Variants in FRMPD4 observed in about 807,000 individuals in gnomAD.
FRMPD4 encodes FERM and PDZ domain-containing protein 4.
In FRMPD4, 22 loss-of-function variants were observed where a neutral mutation model predicts 94.1. That is an observed-to-expected ratio of 0.23 (90% CI 0.17 to 0.33). FRMPD4 has a LOEUF of 0.33. Among genes scored for constraint, FRMPD4 ranks in the 10% least tolerant of loss-of-function variants. The pLI is 1.00. For synonymous variants in FRMPD4, 631 were observed against 548.6 expected, an observed-to-expected ratio of 1.15 and a Z score of -2.10; for missense variants, 1,111 against 1,339.9, an observed-to-expected ratio of 0.83 and a Z score of 2.67.
chrX:11,855,085 C>T (rs2053646644), intron 1 of FRMPD4, among the ~76,000 whole-genome samples: 1 of 112,573 alleles, frequency 8.9e-6, no homozygotes, highest in African/African-American at 3.2e-5. Flanking sequence ...TCTGTGCACC[C>T]ACAGGCCCAA....
intron 1 of FRMPD4, among the ~76,000 whole-genome samples, chrX:12,323,847 T>A (rs1386396329): frequency 9.0e-6 from 1 of 111,383 alleles, no homozygotes; most frequent in Non-Finnish European, 1.9e-5. Context: ...GTATAATCCC[T>A]CTTAGAGCAG....
intron 3 of FRMPD4, among the ~76,000 whole-genome samples, chrX:12,117,854 C>A (rs1225983763): frequency 8.9e-6 from 1 of 111,870 alleles, no homozygotes; most frequent in Non-Finnish European, 1.9e-5. Flanking sequence ...AGATAAACAT[C>A]AGATTAATCA....
intron 1 of FRMPD4, among the ~76,000 whole-genome samples, chrX:12,428,542 A>G (rs1010210749): frequency 6.3e-5 from 7 of 110,979 alleles, no homozygotes; most frequent in Non-Finnish European, 1.1e-4. Flanking sequence ...CCATCATCCA[A>G]CAAATTTCCT....
At chrX:12,201,562 T>C (rs1287038791) in intron 1 of FRMPD4, among the ~76,000 whole-genome samples, 1 of 112,068 alleles carries the variant, frequency 8.9e-6, no homozygotes, top group Non-Finnish European at 1.9e-5. Flanking sequence ...CCAAAGTGCA[T>C]TAGCACGTCA....
intron 3 of FRMPD4, among the ~76,000 whole-genome samples, chrX:11,917,390 G>A (rs890027633): frequency 8.9e-6 from 1 of 111,827 alleles, no homozygotes; most frequent in Non-Finnish European, 1.9e-5. Context: ...CCACTACTGG[G>A]TATCAACCCA....
chrX:12,695,868 C>A (rs1395373752), intron 9 of FRMPD4, among the ~76,000 whole-genome samples: 2 of 111,483 alleles, frequency 1.8e-5, no homozygotes, highest in African/African-American at 6.5e-5. Context: ...TCCCGAGTAG[C>A]TGGGATTACA....
At chrX:12,331,026 C>A (rs2055362621) in intron 1 of FRMPD4, among the ~76,000 whole-genome samples, 1 of 111,677 alleles carries the variant, frequency 9.0e-6, no homozygotes. Flanking sequence ...CTACTCAACT[C>A]TGCCATTGGT....
chrX:12,438,449 G>A (rs1432967692), intron 1 of FRMPD4, among the ~76,000 whole-genome samples: 1 of 108,768 alleles, frequency 9.2e-6, no homozygotes, highest in Admixed American at 1.0e-4. Context: ...AGTGTTGGGG[G>A]AAAATTGAAT....
intron 3 of FRMPD4, among the ~76,000 whole-genome samples, chrX:12,093,425 A>T (rs2055171566): frequency 9.0e-6 from 1 of 110,601 alleles, no homozygotes; most frequent in South Asian, 3.9e-4. Flanking sequence ...GGGTTAGAAG[A>T]GTTGTCTTTA....
At chrX:12,065,944 G>A (rs1175644848) in intron 3 of FRMPD4, among the ~76,000 whole-genome samples, 1 of 111,841 alleles carries the variant, frequency 8.9e-6, no homozygotes, top group Non-Finnish European at 1.9e-5. Context: ...AGCCACTATT[G>A]TTTAAACATT....
chrX:12,440,705 G>A (rs182436463), intron 1 of FRMPD4, among the ~76,000 whole-genome samples: 6 of 110,862 alleles, frequency 5.4e-5, no homozygotes, highest in Admixed American at 2.9e-4. Context: ...GACTTGGGAG[G>A]GGGGGGAGCA....
At chrX:12,612,276 C>G (rs1332181452) in intron 3 of FRMPD4, among the ~76,000 whole-genome samples, 1 of 111,671 alleles carries the variant, frequency 9.0e-6, no homozygotes, top group East Asian at 2.8e-4. Context: ...TACAACCTCT[C>G]TCCTTCCTGG....
intron 2 of FRMPD4, among the ~76,000 whole-genome samples, chrX:12,540,786 C>G (rs1198881120): frequency 5.4e-5 from 6 of 111,936 alleles, no homozygotes; most frequent in African/African-American, 1.9e-4. Flanking sequence ...ACAGAATATA[C>G]GTTCTTCTAA....
At chrX:12,550,357 T>TAAAA (rs11389848) in intron 2 of FRMPD4, among the ~76,000 whole-genome samples, 1 of 104,749 alleles carries the variant, frequency 9.5e-6, no homozygotes. Context: ...AGCCAAAATG[T>TAAAA]AAAAAAAAAA....
intron 1 of FRMPD4, among the ~76,000 whole-genome samples, chrX:12,335,584 T>A (rs2055505590): frequency 8.9e-6 from 1 of 111,841 alleles, no homozygotes; most frequent in Non-Finnish European, 1.9e-5. Context: ...ACTCCCATTT[T>A]CCAGGGCCAT....
intron 1 of FRMPD4, among the ~76,000 whole-genome samples, chrX:12,468,427 G>A (rs2057472730): frequency 9.0e-6 from 1 of 111,725 alleles, no homozygotes; most frequent in African/African-American, 3.3e-5. Context: ...AAAGGAACAT[G>A]TGAGGAGGTG....
chrX:11,980,085 G>A (rs1002153974), intron 3 of FRMPD4, among the ~76,000 whole-genome samples: 1 of 111,245 alleles, frequency 9.0e-6, no homozygotes, highest in Non-Finnish European at 1.9e-5. Flanking sequence ...TCCTCATTTT[G>A]TCACTGTGGA....
intron 3 of FRMPD4, among the ~76,000 whole-genome samples, chrX:12,031,775 T>C (rs1005564285): frequency 2.7e-5 from 3 of 112,013 alleles, no homozygotes; most frequent in Non-Finnish European, 5.6e-5. Flanking sequence ...GTGTGTATTT[T>C]AGAAAGCTCC....
chrX:12,109,767 T>A (rs1302973003), intron 3 of FRMPD4, among the ~76,000 whole-genome samples: 1 of 111,911 alleles, frequency 8.9e-6, no homozygotes, highest in Non-Finnish European at 1.9e-5. Context: ...AAATACAAAC[T>A]ACCATCAGAG....
Sources: gnomAD v4.1 joint callset for allele counts (sites outside exome capture counted in the v4.1 genomes callset) on GRCh38, gnomAD v4.1.1 for gene constraint, MANE v1.5 for transcripts, NCBI Gene and HGNC (gene_info 2026-07-23, HGNC 2026-07-21) for gene names.